NYAP2: variants seen among roughly 807,000 people sequenced by gnomAD.
NYAP2 encodes neuronal tyrosine-phosphorylated phosphoinositide-3-kinase adaptor 2.
NYAP2 carries 23 observed loss-of-function variants against 50.4 expected under a neutral mutation model. The observed-to-expected ratio is 0.46, with a 90% CI of 0.33 to 0.65. The LOEUF is 0.65. Among genes scored for constraint, NYAP2 ranks in the 30% least tolerant of loss-of-function variants. The pLI is 0.02. For synonymous variants in NYAP2, 394 were observed against 365.2 expected (o/e 1.08, Z -0.90); for missense variants, 885 against 861.0 (o/e 1.03, Z -0.35).
chr2:225,581,699 T>C (rs368333693), intron 4 of NYAP2, among the ~76,000 whole-genome samples: 10 of 152,222 alleles, frequency 6.6e-5, no homozygotes, highest in South Asian at 2.1e-4. Flanking sequence ...GTCCTGGTTT[T>C]AATGCATTTA....
At chr2:225,514,805 C>G (rs886904352) in intron 4 of NYAP2, among the ~76,000 whole-genome samples, 1 of 152,168 alleles carries the variant, frequency 6.6e-6, no homozygotes, top group African/African-American at 2.4e-5. Context: ...CCCATAGCTT[C>G]TCTTCTGCCC....
At chr2:225,690,312 AT>A in the NYAP2 span, among the ~76,000 whole-genome samples, 31 of 152,184 alleles carry the variant, frequency 2.0e-4, no homozygotes, top group African/African-American at 7.5e-4. Context: ...AAGACTTGTG[AT>A]TTGATAACTA....
At chr2:225,660,812 T>C in the NYAP2 span, among the ~76,000 whole-genome samples, 2 of 152,224 alleles carry the variant, frequency 1.3e-5, no homozygotes, top group Non-Finnish European at 2.9e-5. Context: ...TTTGAATTTT[T>C]TTCGTTACTT....
chr2:225,603,053 A>G (rs912926304), intron 5 of NYAP2, among the ~76,000 whole-genome samples: 81 of 152,282 alleles, frequency 5.3e-4, no homozygotes, highest in African/African-American at 1.9e-3. Context: ...TAGAATTGAC[A>G]TCTTAAAAAT....
rs1691802019 is a variant in NYAP2 at position 225,557,571 on chromosome 2, A to G, written c.524-24370A>G. On this transcript the variant is annotated intron_variant, in intron 4 of 6. Coordinates refer to ENST00000636099, the Ensembl canonical transcript of NYAP2. The stretch of plus-strand genomic sequence containing the variant: ...TATTATGAATAAATGGAAATAGGGA[A>G]ATACAACTATATAGAGGAAGGAGCA... Among the ~76,000 whole-genome samples the G allele has an allele frequency of 3.3e-5, 5 of 152,162 alleles. No individual in the cohort carries two copies. In the South Asian group the frequency reaches 1.0e-3, roughly 31 times the overall value.
chr2:225,492,133 G>A lies in NYAP2; in HGVS notation c.222-21238G>A, dbSNP rs577409574. 1.5e-4 allele frequency among the ~76,000 whole-genome samples: 23 copies of A among 152,226 alleles called. 1 individual carries two copies. In the East Asian group the frequency reaches 2.9e-3, roughly 19 times the overall value. On this transcript the variant is annotated intron_variant, in intron 3 of 6. Transcript: ENST00000636099. ...TGGCTGCTCCATAGCCCATGTGGCCGGTGTGTGTGATTGGAAGAGCAAATG... is the reference window on the plus strand; with the variant it reads ...TGGCTGCTCCATAGCCCATGTGGCCAGTGTGTGTGATTGGAAGAGCAAATG...
chr2:225,582,278 C>T lies in NYAP2; in HGVS notation c.861C>T (p.Phe287=), dbSNP rs1692291052. 4 of 1,614,038 alleles carry T rather than the reference C, an allele frequency of 2.5e-6. No homozygotes were observed. Among genetic ancestry groups the T allele is most frequent in the East Asian group, 4.5e-5 (2 of 44,870 alleles). ...TGGGCCAAGACGCCAAATGTGACTTCGACCATCACAGCTGTTCTTCGCAGT... is the reference window on the plus strand; with the variant it reads ...TGGGCCAAGACGCCAAATGTGACTTTGACCATCACAGCTGTTCTTCGCAGT... The change falls in exon 5 of 7, where the codon TTC becomes TTT. Residue 287 remains phenylalanine (F), a synonymous_variant. Coordinates refer to ENST00000636099, the Ensembl canonical transcript of NYAP2. The surrounding 1 kb of genome is among the most constrained non-coding windows in gnomAD (Gnocchi z 7.0).
intron 4 of NYAP2, among the ~76,000 whole-genome samples, chr2:225,543,049 T>A (rs1204113918): frequency 6.6e-6 from 1 of 152,114 alleles, no homozygotes; most frequent in Non-Finnish European, 1.5e-5. Context: ...TTTATTGGTC[T>A]ATTGTTGCTC....
chr2:225,642,313 C>T (rs964861629), intron 6 of NYAP2, among the ~76,000 whole-genome samples: 1 of 152,078 alleles, frequency 6.6e-6, no homozygotes, highest in Non-Finnish European at 1.5e-5. Context: ...TAAAAAAAAT[C>T]AGATTGACCC....
intron 3 of NYAP2, among the ~76,000 whole-genome samples, chr2:225,467,972 A>G (rs1230710286): frequency 1.3e-5 from 2 of 152,202 alleles, no homozygotes; most frequent in Admixed American, 1.3e-4. Flanking sequence ...AGCCTATGAG[A>G]GTTCAAAAAA....
chr2:225,532,383 C>T (rs995212462), intron 4 of NYAP2, among the ~76,000 whole-genome samples: 1 of 152,136 alleles, frequency 6.6e-6, no homozygotes, highest in African/African-American at 2.4e-5. Context: ...CTAACAGTTT[C>T]TATTATATGA....
At chr2:225,443,915 A>C (rs908533091) in intron 3 of NYAP2, among the ~76,000 whole-genome samples, 2 of 152,206 alleles carry the variant, frequency 1.3e-5, no homozygotes, top group Admixed American at 1.3e-4. Flanking sequence ...CCAAAGATCA[A>C]ATTCTTGACC....
intron 3 of NYAP2, among the ~76,000 whole-genome samples, chr2:225,451,159 G>A (rs1349932547): frequency 6.6e-6 from 1 of 152,120 alleles, no homozygotes; most frequent in Non-Finnish European, 1.5e-5. Flanking sequence ...CTTTGGCAAG[G>A]GAAGGAACAG....
downstream of NYAP2, among the ~76,000 whole-genome samples, chr2:225,658,192 A>C (rs1037878864): frequency 2.6e-5 from 4 of 152,114 alleles, no homozygotes; most frequent in Non-Finnish European, 5.9e-5. Context: ...TCACCACCAC[A>C]CAGCTTCTTT....
chr2:225,565,124 C>T lies in NYAP2; in HGVS notation c.524-16817C>T, dbSNP rs535111438. ...CCAGACTGAGCGACAGAGCAACACT[C>T]CGTCTCAAAAAAAAAAAAAGTTTTA... is the stretch of plus-strand genomic sequence containing the variant. On this transcript the variant is annotated intron_variant, in intron 4 of 6. Coordinates refer to ENST00000636099, the Ensembl canonical transcript of NYAP2. 2.0e-5 allele frequency among the ~76,000 whole-genome samples: 3 copies of T among 148,332 alleles called. No homozygotes were observed. In the South Asian group the frequency reaches 6.2e-4, roughly 31 times the overall value.
intron 2 of NYAP2, 99 bp from the exon 3 acceptor site, chr2:225,408,765 G>T: frequency 1.6e-6 from 1 of 631,736 alleles, no homozygotes. Context: ...AATCGGATTT[G>T]GCCATAATTA....
At chr2:225,499,485 T>G (rs1690565807) in intron 3 of NYAP2, among the ~76,000 whole-genome samples, 1 of 151,582 alleles carries the variant, frequency 6.6e-6, no homozygotes, top group Non-Finnish European at 1.5e-5. Flanking sequence ...GCTAATTTTT[T>G]TTTTGTATTT....
chr2:225,661,348 G>A, the NYAP2 span, among the ~76,000 whole-genome samples: 2 of 152,182 alleles, frequency 1.3e-5, no homozygotes, highest in Non-Finnish European at 2.9e-5. Flanking sequence ...CTAGCACCCA[G>A]CTCACCTGCT....
chr2:225,640,107 G>A (rs1693500654), intron 6 of NYAP2, among the ~76,000 whole-genome samples: 1 of 152,148 alleles, frequency 6.6e-6, no homozygotes, highest in African/African-American at 2.4e-5. Flanking sequence ...TACAGAGTCA[G>A]CTAATTTATG....
Sources: gnomAD v4.1 joint callset for allele counts (sites outside exome capture counted in the v4.1 genomes callset) on GRCh38, gnomAD v4.1.1 for gene constraint, Gnocchi (gnomAD v3.1) non-coding constraint, MANE v1.5 for transcripts, NCBI Gene and HGNC (gene_info 2026-07-23, HGNC 2026-07-21) for gene names.